L2HGDH: variants seen among roughly 807,000 people sequenced by gnomAD.
The protein encoded by L2HGDH is L-2-hydroxyglutarate dehydrogenase, mitochondrial.
L2HGDH carries 34 observed loss-of-function variants against 51.5 expected under a neutral mutation model. The ratio of observed to expected loss-of-function variants is 0.66; its 90% CI spans 0.50 to 0.88. The LOEUF is 0.88. Ranked by LOEUF, L2HGDH falls within the 40% of genes least tolerant of loss-of-function variation. The pLI is 0.00. For synonymous variants in L2HGDH, 198 were observed against 197.9 expected (o/e 1.00, Z -0.01); for missense variants, 558 against 571.9 (o/e 0.98, Z 0.25).
At chr14:50,296,932 G>A (rs1248286739) in intron 3 of L2HGDH, among the ~76,000 whole-genome samples, 3 of 151,964 alleles carry the variant, frequency 2.0e-5, no homozygotes, top group Non-Finnish European at 4.4e-5. Flanking sequence ...ATGACCAAGA[G>A]GGATTTATCA....
At chr14:50,255,066 T>C (rs986945253) in intron 9 of L2HGDH, among the ~76,000 whole-genome samples, 3 of 151,682 alleles carry the variant, frequency 2.0e-5, no homozygotes, top group African/African-American at 4.8e-5. Context: ...AAATAAATAA[T>C]AATGATGTTT....
intron 9 of L2HGDH, among the ~76,000 whole-genome samples, chr14:50,248,350 A>C (rs1280620504): frequency 6.6e-6 from 1 of 152,238 alleles, no homozygotes; most frequent in Non-Finnish European, 1.5e-5. Flanking sequence ...AAATCAGATA[A>C]GTACTTGCAG....
chr14:50,259,366 G>T (rs866501564), intron 9 of L2HGDH, among the ~76,000 whole-genome samples: 9 of 130,680 alleles, frequency 6.9e-5, no homozygotes, highest in Non-Finnish European at 7.9e-5. Context: ...TTCTTTTTCG[G>T]TTTTTTTTTT....
chr14:50,299,321 A>G (rs1462134436), intron 3 of L2HGDH, among the ~76,000 whole-genome samples: 3 of 152,204 alleles, frequency 2.0e-5, no homozygotes, highest in Non-Finnish European at 4.4e-5. Context: ...ATAAGATCGA[A>G]GCCATAATAA....
chr14:50,295,067 A>G (rs144820861), intron 3 of L2HGDH, among the ~76,000 whole-genome samples: 8 of 152,338 alleles, frequency 5.3e-5, no homozygotes, highest in African/African-American at 1.9e-4. Flanking sequence ...CAACCCACAC[A>G]ATGAGAAAAA....
intron 4 of L2HGDH, among the ~76,000 whole-genome samples, chr14:50,292,935 T>C (rs1445385634): frequency 6.6e-6 from 1 of 151,888 alleles, no homozygotes; most frequent in African/African-American, 2.4e-5. Context: ...CTCATGCTTG[T>C]ATTCCTTGCA....
At chr14:50,300,149 C>G (rs2030320942) in intron 3 of L2HGDH, among the ~76,000 whole-genome samples, 1 of 151,918 alleles carries the variant, frequency 6.6e-6, no homozygotes, top group South Asian at 2.1e-4. Context: ...TTCAGGATAT[C>G]TATTACACAA....
intron 4 of L2HGDH, among the ~76,000 whole-genome samples, chr14:50,291,709 G>A (rs1890895240): frequency 6.6e-6 from 1 of 151,960 alleles, no homozygotes; most frequent in Admixed American, 6.6e-5. Context: ...TTTCCTTCAA[G>A]CTTTTATTTT....
chr14:50,276,234 A>C (rs1029567203), intron 6 of L2HGDH, among the ~76,000 whole-genome samples: 1 of 152,248 alleles, frequency 6.6e-6, no homozygotes, highest in African/African-American at 2.4e-5. Flanking sequence ...AGTTTGAGCT[A>C]CACCACCAAA....
chr14:50,294,956 GTGACA>G (rs1384510608), intron 3 of L2HGDH, among the ~76,000 whole-genome samples: 3 of 152,100 alleles, frequency 2.0e-5, no homozygotes, highest in African/African-American at 7.2e-5. Context: ...ATTTCATGAG[GTGACA>G]CTTTTAATCA....
At chr14:50,305,001 A>T (rs1163893294) in intron 1 of L2HGDH, among the ~76,000 whole-genome samples, 1 of 152,216 alleles carries the variant, frequency 6.6e-6, no homozygotes, top group African/African-American at 2.4e-5. Context: ...AAGTGATCTA[A>T]GTTTCAATTT....
At chr14:50,293,200 C>T (rs2029870152) in intron 4 of L2HGDH, 1 of 702,122 alleles carries the variant, frequency 1.4e-6, no homozygotes, top group Non-Finnish European at 2.6e-6. Context: ...AGACCCGCCA[C>T]ATACCTGATA....
intron 1 of L2HGDH, among the ~76,000 whole-genome samples, chr14:50,309,788 T>C (rs1426992240): frequency 6.6e-6 from 1 of 151,406 alleles, no homozygotes; most frequent in East Asian, 1.9e-4. Flanking sequence ...GCTCAAGCGA[T>C]CCTCCTGCCT....
chr14:50,277,774 AAATAATAATAATAATAAT>A (rs34552494), intron 6 of L2HGDH, among the ~76,000 whole-genome samples: 2,012 of 133,516 alleles, frequency 0.015, 19 homozygotes, highest in Middle Eastern at 0.041. Context: ...CTCCGTCTCA[AAATAATAATAATAATAAT>A]AATAATAATA....
intron 2 of L2HGDH, 114 bp from the exon 3 acceptor site, chr14:50,302,282 G>A: frequency 8.8e-7 from 1 of 1,135,474 alleles, no homozygotes; most frequent in East Asian, 2.4e-5. Flanking sequence ...GTAAAATTCT[G>A]CCTGAATTTG....
intron 6 of L2HGDH, among the ~76,000 whole-genome samples, chr14:50,274,731 T>A (rs1889879540): frequency 6.6e-6 from 1 of 152,138 alleles, no homozygotes; most frequent in Non-Finnish European, 1.5e-5. Flanking sequence ...AAGTGTCCAT[T>A]GACAGATGAA....
At chr14:50,252,417 C>A (rs1595063438) in intron 9 of L2HGDH, among the ~76,000 whole-genome samples, 1 of 151,936 alleles carries the variant, frequency 6.6e-6, no homozygotes. Flanking sequence ...AGGAGTAAGT[C>A]CTTACTTATC....
chr14:50,297,425 A>G (rs1176763627), intron 3 of L2HGDH, among the ~76,000 whole-genome samples: 1 of 152,204 alleles, frequency 6.6e-6, no homozygotes. Flanking sequence ...CAGAAAGGTC[A>G]CTGGATTAAA....
chr14:50,311,469 T>C (rs993818340), intron 1 of L2HGDH: 17 of 456,150 alleles, frequency 3.7e-5, no homozygotes, highest in Admixed American at 2.6e-4. Context: ...GTTTCGAATG[T>C]GACGTCCAAA....
Sources: gnomAD v4.1 joint callset for allele counts (sites outside exome capture counted in the v4.1 genomes callset) on GRCh38, gnomAD v4.1.1 for gene constraint, MANE v1.5 for transcripts, NCBI Gene and HGNC (gene_info 2026-07-23, HGNC 2026-07-21) for gene names.